Variants in ELAPOR1 observed in about 807,000 individuals in gnomAD.
ELAPOR1 encodes endosome-lysosome associated apoptosis and autophagy regulator 1.
A neutral mutation model predicts 119.7 loss-of-function variants in ELAPOR1; 77 were observed. The ratio of observed to expected loss-of-function variants is 0.64; its 90% CI spans 0.54 to 0.78. ELAPOR1 has a LOEUF of 0.78. ELAPOR1 is among the 30% of genes least tolerant of loss of function. ELAPOR1 has a pLI of 0.00. For missense variants in ELAPOR1, 1,115 were observed against 1,270.4 expected, an observed-to-expected ratio of 0.88 and a Z score of 1.86; for synonymous variants, 481 against 487.2, an observed-to-expected ratio of 0.99 and a Z score of 0.17.
At chr1:109,168,889 A>G (rs1194726579) in intron 3 of ELAPOR1, among the ~76,000 whole-genome samples, 1 of 152,210 alleles carries the variant, frequency 6.6e-6, no homozygotes, top group Non-Finnish European at 1.5e-5. Context: ...ATCAATCAAA[A>G]CATGTTGTTA....
rs988021917 is a variant in ELAPOR1, at chr1:109,122,661, T to TAAA, written c.153+8334_153+8336dup. On this transcript the variant is annotated intron_variant, in intron 1 of 21. Transcript: ENST00000369939. ...GGGCAACACAGTGGGACTCTCTCTT[T>TAAA]AAAAAAAAAAAGAGACTGGGTGCAG... is the stretch of plus-strand genomic sequence containing the variant. Among the ~76,000 whole-genome samples, 424 of 135,906 alleles carry TAAA rather than the reference T, an allele frequency of 3.1e-3. 3 individuals carry two copies. The highest frequency in any genetic ancestry group is 4.7e-3 in the Non-Finnish European group (296 of 62,614). 89.2% of individuals were successfully genotyped at this position (135,906 alleles called of 152,430 possible). A position where few individuals can be genotyped will look rare whatever the true frequency, so the allele number is the denominator to read the frequency against.
chr1:109,152,648 A>G (rs1650602938), intron 1 of ELAPOR1, among the ~76,000 whole-genome samples: 1 of 152,120 alleles, frequency 6.6e-6, no homozygotes, highest in African/African-American at 2.4e-5. Context: ...TTTACCTTTT[A>G]AAAAAGGACC....
At chr1:109,150,429 C>T (rs961636868) in intron 1 of ELAPOR1, among the ~76,000 whole-genome samples, 1 of 152,184 alleles carries the variant, frequency 6.6e-6, no homozygotes, top group African/African-American at 2.4e-5. Context: ...TGAGGACGGC[C>T]AGCAAAGGCC....
At chr1:109,188,947 C>A in intron 9 of ELAPOR1, 119 bp from the exon 10 acceptor site, 1 of 1,159,060 alleles carries the variant, frequency 8.6e-7, no homozygotes, top group Non-Finnish European at 1.2e-6. Context: ...CAGCAGTACT[C>A]AGCAGCCAGG....
At chr1:109,141,052 G>T (rs1043217889) in intron 1 of ELAPOR1, among the ~76,000 whole-genome samples, 1 of 151,882 alleles carries the variant, frequency 6.6e-6, no homozygotes, top group Non-Finnish European at 1.5e-5. Context: ...GGGTTTCACC[G>T]GGTTGGCCAG....
chr1:109,190,420 A>G (rs1387105949), intron 11 of ELAPOR1, among the ~76,000 whole-genome samples: 1 of 152,226 alleles, frequency 6.6e-6, no homozygotes, highest in African/African-American at 2.4e-5. Context: ...AGCCAAAAGG[A>G]AAGCCGTGAA....
intron 7 of ELAPOR1, among the ~76,000 whole-genome samples, chr1:109,175,125 T>C (rs2101066530): frequency 6.6e-6 from 1 of 151,868 alleles, no homozygotes; most frequent in East Asian, 1.9e-4. Context: ...CCTTCCAAAG[T>C]GCTGGGATTA....
At chr1:109,134,698 A>G (rs1649352399) in intron 1 of ELAPOR1, among the ~76,000 whole-genome samples, 1 of 152,066 alleles carries the variant, frequency 6.6e-6, no homozygotes, top group Non-Finnish European at 1.5e-5. Flanking sequence ...AGCTGGTTTC[A>G]CCTTCGTCAT....
chr1:109,130,175 A>G (rs1052254428), intron 1 of ELAPOR1, among the ~76,000 whole-genome samples: 1 of 152,200 alleles, frequency 6.6e-6, no homozygotes, highest in Admixed American at 6.5e-5. Flanking sequence ...TTGACTAACT[A>G]TATCTGCAAA....
At chr1:109,185,688 G>C (rs1653000763) in intron 8 of ELAPOR1, among the ~76,000 whole-genome samples, 1 of 152,202 alleles carries the variant, frequency 6.6e-6, no homozygotes, top group African/African-American at 2.4e-5. Flanking sequence ...TGGGGAGTCA[G>C]AGACGACTGA....
At chr1:109,144,668 G>A (rs1444815947) in intron 1 of ELAPOR1, among the ~76,000 whole-genome samples, 2 of 152,062 alleles carry the variant, frequency 1.3e-5, no homozygotes, top group Admixed American at 6.5e-5. Context: ...CTTGAACCTG[G>A]GAGACGGAGG....
At chr1:109,174,163 C>G (rs536600935) in intron 7 of ELAPOR1, among the ~76,000 whole-genome samples, 38 of 151,712 alleles carry the variant, frequency 2.5e-4, no homozygotes, top group African/African-American at 9.2e-4. Context: ...CCAGCGTGCC[C>G]CACCACACCC....
chr1:109,180,499 C>G (rs1652626588), intron 7 of ELAPOR1, among the ~76,000 whole-genome samples: 1 of 53,986 alleles, frequency 1.9e-5, no homozygotes, highest in African/African-American at 5.4e-5. Context: ...GAACAGGACC[C>G]CATCTCTTTA....
intron 1 of ELAPOR1, among the ~76,000 whole-genome samples, chr1:109,120,686 A>C (rs1648350141): frequency 6.6e-6 from 1 of 150,462 alleles, no homozygotes; most frequent in Admixed American, 6.6e-5. Context: ...CTGTGGGGAC[A>C]CTCTCTCTTC....
chr1:109,132,366 T>G (rs1475288561), intron 1 of ELAPOR1, among the ~76,000 whole-genome samples: 3 of 152,164 alleles, frequency 2.0e-5, no homozygotes, highest in African/African-American at 7.2e-5. Flanking sequence ...CAGGCTGGTC[T>G]CGAAATCCTG....
intron 1 of ELAPOR1, among the ~76,000 whole-genome samples, chr1:109,146,155 TACAC>T (rs2101009337): frequency 6.6e-6 from 1 of 151,888 alleles, no homozygotes; most frequent in African/African-American, 2.4e-5. Context: ...CTACTAAAAA[TACAC>T]ACACAAAAAA....
Position 109,147,072 on chromosome 1 carries a change from A to ATTT in ELAPOR1, c.154-14809_154-14807dup, listed in dbSNP as rs35132655. On this transcript the variant is annotated intron_variant, in intron 1 of 21. Coordinates refer to ENST00000369939, the MANE Select transcript of ELAPOR1 (RefSeq NM_020775.5). ...AGGTTCCTGCCACTACGCCTGGCTA[A>ATTT]TTTTTTTTTTTTTTTGTATTTTTAG... Among the ~76,000 whole-genome samples the ATTT allele has an allele frequency of 1.9e-3, 268 of 141,288 alleles. 2 individuals are homozygous for ATTT. The highest frequency in any genetic ancestry group is 6.5e-3 in the African/African-American group (246 of 38,064). 92.7% of individuals were successfully genotyped at this position (141,288 alleles called of 152,430 possible). A position where few individuals can be genotyped will look rare whatever the true frequency, so the allele number is the denominator to read the frequency against.
intron 1 of ELAPOR1, among the ~76,000 whole-genome samples, chr1:109,127,781 C>T (rs1428759921): frequency 1.3e-5 from 2 of 151,676 alleles, no homozygotes; most frequent in African/African-American, 4.8e-5. Context: ...CCAGGCTGGT[C>T]TCGAACTCCT....
chr1:109,114,244 C>G lies in ELAPOR1; in HGVS notation c.61C>G (p.Arg21Gly), dbSNP rs1013455279. Residue 21 changes from arginine (R) to glycine (G), a missense_variant, in exon 1 of 22, where the codon CGC (arginine) becomes GGC (glycine). By Grantham distance (125) the Arg-to-Gly change is moderately radical. Coordinates refer to ENST00000369939, the MANE Select transcript of ELAPOR1 (RefSeq NM_020775.5). The stretch of plus-strand genomic sequence containing the variant: ...CAGAGTCAGGGGAAGAACTGAGAGG[C>G]GCATACCCCGGCTGTGGCGGCTGCT... ...SARVRGRTER[R>G]IPRLWRLLLW... 25 of 1,604,064 alleles carry G rather than the reference C, an allele frequency of 1.6e-5. No individual in the cohort carries two copies. In the Admixed American group the frequency reaches 3.2e-4, roughly 21 times the overall value.
Sources: gnomAD v4.1 joint callset for allele counts (sites outside exome capture counted in the v4.1 genomes callset) on GRCh38, gnomAD v4.1.1 for gene constraint, MANE v1.5 for transcripts, NCBI Gene and HGNC (gene_info 2026-07-23, HGNC 2026-07-21) for gene names.